Variants in RBFOX1 observed in about 807,000 individuals in gnomAD.
RBFOX1 encodes RNA binding fox-1 homolog 1, also known as RNA binding protein fox-1 homolog 1.
RBFOX1 carries 8 observed loss-of-function variants against 57.7 expected under a neutral mutation model. The observed-to-expected ratio is 0.14, with a 90% CI of 0.08 to 0.25. RBFOX1 has a LOEUF of 0.25. RBFOX1 is among the 10% of genes least tolerant of loss of function. The pLI, the probability that RBFOX1 is intolerant of heterozygous loss-of-function variation, is 1.00. For missense variants in RBFOX1, 611 were observed against 548.5 expected (o/e 1.11, Z -1.14); for synonymous variants, 326 against 222.4 (o/e 1.47, Z -4.15).
At chr16:6,811,775 A>C (rs2088667827) in intron 3 of RBFOX1, among the ~76,000 whole-genome samples, 1 of 152,092 alleles carries the variant, frequency 6.6e-6, no homozygotes, top group Non-Finnish European at 1.5e-5. Context: ...TGTAATCCCA[A>C]CTACTGGGGA....
intron 1 of RBFOX1, among the ~76,000 whole-genome samples, chr16:5,279,735 C>T (rs941308273): frequency 6.6e-6 from 1 of 152,196 alleles, no homozygotes; most frequent in East Asian, 1.9e-4. Context: ...CTCCCAACCT[C>T]AGGTGATCCA....
In RBFOX1 at chr16:6,263,983, AT is replaced by A. The variant is rs745865386; in HGVS notation, c.-126-53003del. Among the ~76,000 whole-genome samples, 13 of 151,392 alleles carry A rather than the reference AT, an allele frequency of 8.6e-5. No homozygotes were observed. In the East Asian group the frequency reaches 1.2e-3, roughly 14 times the overall value. On this transcript the variant is annotated intron_variant, in intron 1 of 15. Transcript: ENST00000550418. ...CTTTACTTGCAAGTGGGGCTAAAAC[AT>A]TTTTTTTTAAGGATTTACCTTAGGT...
chr16:5,894,033 G>A (rs905159363), intron 4 of RBFOX1, among the ~76,000 whole-genome samples: 5 of 152,118 alleles, frequency 3.3e-5, no homozygotes, highest in African/African-American at 1.2e-4. Flanking sequence ...GGAGGAAGTA[G>A]CAGTCATCCA....
intron 4 of RBFOX1, among the ~76,000 whole-genome samples, chr16:7,162,329 CTATT>C (rs1172781552): frequency 6.6e-6 from 1 of 152,058 alleles, no homozygotes; most frequent in African/African-American, 2.4e-5. Flanking sequence ...ATGTATATAT[CTATT>C]TGGCGAAATG....
intron 3 of RBFOX1, among the ~76,000 whole-genome samples, chr16:6,714,762 C>T (rs970525573): frequency 3.3e-5 from 5 of 152,104 alleles, no homozygotes; most frequent in Admixed American, 1.3e-4. Flanking sequence ...TGGGCAGTAC[C>T]GTTTTCTAAA....
At chr16:7,492,889 C>A (rs2067376925) in intron 4 of RBFOX1, among the ~76,000 whole-genome samples, 1 of 152,042 alleles carries the variant, frequency 6.6e-6, no homozygotes, top group South Asian at 2.1e-4. Context: ...CAACCATGAG[C>A]TAATTAAGCC....
At chr16:5,883,316 C>T (rs1297128586) in intron 4 of RBFOX1, among the ~76,000 whole-genome samples, 1 of 152,170 alleles carries the variant, frequency 6.6e-6, no homozygotes, top group Non-Finnish European at 1.5e-5. Flanking sequence ...AAAAATCTCT[C>T]TTACCCCGAA....
intron 3 of RBFOX1, among the ~76,000 whole-genome samples, chr16:5,827,257 G>T (rs865907422): frequency 1.3e-5 from 2 of 151,846 alleles, no homozygotes; most frequent in African/African-American, 4.8e-5. Context: ...AAAATTAGCC[G>T]GGTGTGGTGG....
chr16:7,493,603 T>C (rs111636199), intron 4 of RBFOX1, among the ~76,000 whole-genome samples: 27 of 150,274 alleles, frequency 1.8e-4, no homozygotes, highest in African/African-American at 6.4e-4. Flanking sequence ...AGGAAGAAAA[T>C]GTAATAACAG....
At chr16:5,558,225 G>A (rs34292809) in intron 2 of RBFOX1, among the ~76,000 whole-genome samples, 61,741 of 152,054 alleles carry the variant, frequency 0.41, 12,837 homozygotes, top group East Asian at 0.5. Flanking sequence ...ATAAGGCCGA[G>A]GGTCTGTTGA....
intron 1 of RBFOX1, among the ~76,000 whole-genome samples, chr16:6,112,626 G>A (rs1180288342): frequency 6.6e-6 from 1 of 152,164 alleles, no homozygotes; most frequent in East Asian, 1.9e-4. Context: ...AGGAGCCGGA[G>A]GTTGCGGTGA....
rs1343556588 is a variant in RBFOX1 at position 7,275,715 on chromosome 16, G to A, written c.27+223617G>A. Among the ~76,000 whole-genome samples the A allele has an allele frequency of 1.1e-4, 17 of 152,320 alleles. No individual in the cohort carries two copies. The East Asian group carries it at 3.1e-3, about 28-fold the overall frequency. On this transcript the variant is annotated intron_variant, in intron 4 of 15. Coordinates refer to ENST00000550418, the MANE Select transcript of RBFOX1 (RefSeq NM_018723.4). Reference sequence around the variant, plus strand: ...CAGGATTATAGGTATGAGATTAATAGGCATTGTTTTGATGGCATATGCCAC... The same window carrying A: ...CAGGATTATAGGTATGAGATTAATAAGCATTGTTTTGATGGCATATGCCAC...
At chr16:5,392,093 G>A (rs1055414648) in intron 1 of RBFOX1, among the ~76,000 whole-genome samples, 2 of 152,036 alleles carry the variant, frequency 1.3e-5, no homozygotes, top group East Asian at 3.9e-4. Context: ...AGGACGCAAA[G>A]GCATAAGAAT....
intron 3 of RBFOX1, among the ~76,000 whole-genome samples, chr16:6,671,770 C>T (rs1484525838): frequency 1.3e-5 from 2 of 152,156 alleles, no homozygotes; most frequent in African/African-American, 2.4e-5. Flanking sequence ...CAGTCCCATC[C>T]AGGTTGCTGT....
At chr16:6,630,434 A>C (rs1178352327) in intron 2 of RBFOX1, among the ~76,000 whole-genome samples, 1 of 152,186 alleles carries the variant, frequency 6.6e-6, no homozygotes, top group East Asian at 1.9e-4. Flanking sequence ...GTTAATGGTC[A>C]TAGGTCTTAA....
At chr16:7,227,520 G>C (rs1205980552) in intron 4 of RBFOX1, among the ~76,000 whole-genome samples, 1 of 152,204 alleles carries the variant, frequency 6.6e-6, no homozygotes, top group Admixed American at 6.5e-5. Context: ...TACTTCTGCA[G>C]CTCTTCAGAC....
At chr16:7,240,927 G>A (rs766733035) in intron 4 of RBFOX1, among the ~76,000 whole-genome samples, 1 of 152,144 alleles carries the variant, frequency 6.6e-6, no homozygotes, top group African/African-American at 2.4e-5. Flanking sequence ...ATCTTAAACA[G>A]CAGCACAAAA....
chr16:6,864,357 T>A (rs6500859), intron 3 of RBFOX1, among the ~76,000 whole-genome samples: 118,471 of 152,050 alleles, frequency 0.78, 47,166 homozygotes, highest in African/African-American at 0.94. Context: ...ACAATAATAA[T>A]TTCAGACTGC....
At chr16:6,179,892 G>T (rs113051078) in intron 1 of RBFOX1, among the ~76,000 whole-genome samples, 2 of 152,144 alleles carry the variant, frequency 1.3e-5, no homozygotes, top group African/African-American at 4.8e-5. Flanking sequence ...AGTTAAGGAA[G>T]TTCTTTCTAT....
Sources: allele counts gnomAD v4.1 joint callset (sites outside exome capture counted in the v4.1 genomes callset), GRCh38; gene constraint gnomAD v4.1.1; transcripts MANE v1.5; gene names NCBI Gene and HGNC (gene_info 2026-07-23, HGNC 2026-07-21).